Variants in ZNF385B observed in about 807,000 individuals in gnomAD.
ZNF385B encodes the protein zinc finger protein 385B.
A neutral mutation model predicts 39.2 loss-of-function variants in ZNF385B; 23 were observed. The ratio of observed to expected loss-of-function variants is 0.59; its 90% CI spans 0.42 to 0.83. The LOEUF is 0.83. Among genes scored for constraint, ZNF385B ranks in the 40% least tolerant of loss-of-function variants. The pLI is 0.00. For synonymous variants in ZNF385B, 205 were observed against 222.6 expected, an observed-to-expected ratio of 0.92 and a Z score of 0.70; for missense variants, 552 against 598.9, an observed-to-expected ratio of 0.92 and a Z score of 0.82.
At chr2:179,825,170 C>T (rs1707610126) in intron 1 of ZNF385B, among the ~76,000 whole-genome samples, 1 of 152,140 alleles carries the variant, frequency 6.6e-6, no homozygotes, top group African/African-American at 2.4e-5. Flanking sequence ...AGACCCTGAA[C>T]ACTGAACTGA....
chr2:179,499,718 A>C (rs1327318222), intron 5 of ZNF385B, among the ~76,000 whole-genome samples: 1 of 152,034 alleles, frequency 6.6e-6, no homozygotes, highest in Non-Finnish European at 1.5e-5. Context: ...CCTTTCCTCT[A>C]AGATCTGGAA....
intron 1 of ZNF385B, among the ~76,000 whole-genome samples, chr2:179,849,888 G>A (rs1242908380): frequency 1.3e-5 from 2 of 152,130 alleles, no homozygotes; most frequent in African/African-American, 2.4e-5. Context: ...AACATGAAAA[G>A]ACTATCAAGG....
chr2:179,707,557 T>C (rs1477959014), intron 3 of ZNF385B, among the ~76,000 whole-genome samples: 1 of 152,240 alleles, frequency 6.6e-6, no homozygotes, highest in East Asian at 1.9e-4. Flanking sequence ...AATGAGCTTT[T>C]CACTGCCAGC....
At chr2:179,802,212 C>G (rs1214776098) in intron 1 of ZNF385B, among the ~76,000 whole-genome samples, 1 of 152,044 alleles carries the variant, frequency 6.6e-6, no homozygotes, top group Non-Finnish European at 1.5e-5. Context: ...ACTGCTTATT[C>G]CAATCTTTAA....
At chr2:179,682,930 A>G (rs1353295731) in intron 3 of ZNF385B, among the ~76,000 whole-genome samples, 1 of 152,190 alleles carries the variant, frequency 6.6e-6, no homozygotes, top group African/African-American at 2.4e-5. Flanking sequence ...CAGCCTGGCT[A>G]TGCAAATTCC....
intron 3 of ZNF385B, among the ~76,000 whole-genome samples, chr2:179,638,387 C>T (rs751151660): frequency 2.0e-5 from 3 of 152,192 alleles, no homozygotes; most frequent in Non-Finnish European, 2.9e-5. Flanking sequence ...TAAGAATTTT[C>T]GAATCTGGCT....
intron 3 of ZNF385B, among the ~76,000 whole-genome samples, chr2:179,663,910 T>A (rs1644346810): frequency 6.6e-6 from 1 of 152,046 alleles, no homozygotes; most frequent in Non-Finnish European, 1.5e-5. Context: ...GGGTCACAAA[T>A]CTTCAAATCC....
rs1040767653 is a variant in ZNF385B at position 179,443,012 on chromosome 2, G to A, written c.*238C>T. 9 of 595,804 alleles carry A rather than the reference G, an allele frequency of 1.5e-5. No homozygotes were observed. Among genetic ancestry groups the A allele is most frequent in the South Asian group, 3.9e-5 (2 of 50,764 alleles). 36.9% of individuals were successfully genotyped at this position (595,804 alleles called of 1,614,324 possible). ...ATACACAAATTGAACGCGGTAGGGT[G>A]GGGGAGGAAGTAGGGAGATAAAGCC... is the stretch of plus-strand genomic sequence containing the variant. On this transcript the variant is annotated 3_prime_UTR_variant, in exon 10 of 10. Coordinates refer to ENST00000410066, the MANE Select transcript of ZNF385B (RefSeq NM_152520.6).
chr2:179,854,456 T>C (rs1481617765), intron 1 of ZNF385B, among the ~76,000 whole-genome samples: 1 of 149,934 alleles, frequency 6.7e-6, no homozygotes, highest in Non-Finnish European at 1.5e-5. Flanking sequence ...TACCTATTAT[T>C]AGGCTGCCAT....
At chr2:179,642,860 C>A (rs758457846) in intron 3 of ZNF385B, among the ~76,000 whole-genome samples, 1 of 152,134 alleles carries the variant, frequency 6.6e-6, no homozygotes, top group Non-Finnish European at 1.5e-5. Context: ...CTTCAGTAAA[C>A]CTATTTTGAA....
chr2:179,456,059 G>A (rs990368), intron 6 of ZNF385B, among the ~76,000 whole-genome samples: 4,913 of 152,104 alleles, frequency 0.032, 270 homozygotes, highest in African/African-American at 0.11. Context: ...GCATATCTCG[G>A]AATGTATCTG....
intron 3 of ZNF385B, among the ~76,000 whole-genome samples, chr2:179,673,294 G>A (rs1696289941): frequency 6.6e-6 from 1 of 152,086 alleles, no homozygotes; most frequent in Non-Finnish European, 1.5e-5. Flanking sequence ...CACAGAGAAA[G>A]CCCAGTGGAA....
chr2:179,529,116 T>TA (rs1205835035), intron 4 of ZNF385B, among the ~76,000 whole-genome samples: 1 of 152,222 alleles, frequency 6.6e-6, no homozygotes, highest in Non-Finnish European at 1.5e-5. Flanking sequence ...GTAAACTAAA[T>TA]AACTGAAATT....
chr2:179,575,375 T>C (rs1242227223), intron 3 of ZNF385B, among the ~76,000 whole-genome samples: 1 of 152,230 alleles, frequency 6.6e-6, no homozygotes, highest in Non-Finnish European at 1.5e-5. Flanking sequence ...ATAGTTATAA[T>C]GATCTGATTA....
intron 3 of ZNF385B, chr2:179,562,416 C>T: frequency 1.0e-6 from 1 of 985,382 alleles, no homozygotes. Context: ...TTTAAGGTTA[C>T]AGTCCACGTT....
At chr2:179,593,166 T>C (rs1048727405) in intron 3 of ZNF385B, among the ~76,000 whole-genome samples, 4 of 152,276 alleles carry the variant, frequency 2.6e-5, no homozygotes, top group African/African-American at 9.6e-5. Context: ...AAGAAACACT[T>C]TTTTGAAAAA....
intron 3 of ZNF385B, chr2:179,576,320 C>T (rs1039173984): frequency 1.3e-5 from 4 of 317,852 alleles, no homozygotes; most frequent in African/African-American, 9.0e-5. Context: ...CCTTTTTTTC[C>T]ATTTATCCAT....
intron 3 of ZNF385B, among the ~76,000 whole-genome samples, chr2:179,651,244 T>C (rs1025521332): frequency 6.6e-6 from 1 of 152,114 alleles, no homozygotes; most frequent in Non-Finnish European, 1.5e-5. Flanking sequence ...TTCAATACTG[T>C]ATATGCTATA....
intron 3 of ZNF385B, among the ~76,000 whole-genome samples, chr2:179,682,823 G>C (rs140036783): frequency 6.6e-6 from 1 of 151,964 alleles, no homozygotes; most frequent in Non-Finnish European, 1.5e-5. Context: ...TCCATACTTC[G>C]GGTCTCTGAA....
Sources: gnomAD v4.1 joint callset for allele counts (sites outside exome capture counted in the v4.1 genomes callset) on GRCh38, gnomAD v4.1.1 for gene constraint, MANE v1.5 for transcripts, NCBI Gene and HGNC (gene_info 2026-07-23, HGNC 2026-07-21) for gene names.